Variants in BRINP2 observed in about 807,000 individuals in gnomAD.
BRINP2 encodes BMP/retinoic acid inducible neural specific 2.
In BRINP2, 21 loss-of-function variants were observed where a neutral mutation model predicts 69.2. That is an observed-to-expected ratio of 0.30 (90% confidence interval 0.22 to 0.44). The LOEUF (loss-of-function observed/expected upper bound fraction) is 0.44. Ranked by LOEUF, BRINP2 falls within the 20% of genes least tolerant of loss-of-function variation. BRINP2 has a pLI of 1.00. For synonymous variants in BRINP2, 380 were observed against 394.1 expected, an observed-to-expected ratio of 0.96 and a Z score of 0.42; for missense variants, 877 against 986.0, an observed-to-expected ratio of 0.89 and a Z score of 1.48.
At chr1:177,237,323 C>T (rs1650056247) in intron 2 of BRINP2, among the ~76,000 whole-genome samples, 1 of 152,142 alleles carries the variant, frequency 6.6e-6, no homozygotes, top group Non-Finnish European at 1.5e-5. Flanking sequence ...ATTAGCAGTC[C>T]AGTTTGAGTG....
chr1:177,203,131 G>A (rs1352956241), intron 1 of BRINP2, among the ~76,000 whole-genome samples: 1 of 152,134 alleles, frequency 6.6e-6, no homozygotes, highest in Non-Finnish European at 1.5e-5. Flanking sequence ...TATACACCAT[G>A]GAATACTATG....
intron 1 of BRINP2, among the ~76,000 whole-genome samples, chr1:177,215,551 A>G (rs1649350948): frequency 6.6e-6 from 1 of 152,120 alleles, no homozygotes; most frequent in South Asian, 2.1e-4. Context: ...GTGTCCTGAA[A>G]CTTCACTGAA....
At chr1:177,237,867 A>C (rs573292195) in intron 2 of BRINP2, among the ~76,000 whole-genome samples, 1 of 152,300 alleles carries the variant, frequency 6.6e-6, no homozygotes, top group East Asian at 1.9e-4. Context: ...CTGTCGAGTC[A>C]TATGGTCTTT....
At chr1:177,173,803 T>C (rs1648009916) in intron 1 of BRINP2, among the ~76,000 whole-genome samples, 1 of 152,188 alleles carries the variant, frequency 6.6e-6, no homozygotes, top group Non-Finnish European at 1.5e-5. Flanking sequence ...CTTGAGGCAC[T>C]GCTCTGAAAT....
At chr1:177,185,444 C>T (rs1558151544) in intron 1 of BRINP2, among the ~76,000 whole-genome samples, 1 of 152,114 alleles carries the variant, frequency 6.6e-6, no homozygotes, top group Non-Finnish European at 1.5e-5. Context: ...GATATTGCAG[C>T]CCAGCCATAT....
At chr1:177,189,747 G>A (rs376395040) in intron 1 of BRINP2, among the ~76,000 whole-genome samples, 270 of 152,290 alleles carry the variant, frequency 1.8e-3, no homozygotes, top group African/African-American at 6.2e-3. Context: ...GATGGAGTAA[G>A]ACATTGTGCA....
At chr1:177,278,536 G>A (rs908637222) in intron 6 of BRINP2, 27 bp from the exon 7 acceptor site, 24 of 1,609,768 alleles carry the variant, frequency 1.5e-5, no homozygotes, top group Non-Finnish European at 2.0e-5. Context: ...CTACCCGTCA[G>A]CTCAGGTCCT....
chr1:177,232,157 GA>G, intron 2 of BRINP2, among the ~76,000 whole-genome samples: 1 of 152,162 alleles, frequency 6.6e-6, no homozygotes, highest in Non-Finnish European at 1.5e-5. Context: ...GTCAGGCTGG[GA>G]GTCCTAACAC....
intron 1 of BRINP2, among the ~76,000 whole-genome samples, chr1:177,176,852 C>T (rs1411050508): frequency 1.3e-5 from 2 of 152,032 alleles, no homozygotes; most frequent in Non-Finnish European, 2.9e-5. Context: ...AAGAGTGAGC[C>T]GGTGGGTGGC....
intron 4 of BRINP2, among the ~76,000 whole-genome samples, chr1:177,267,980 C>A (rs908043463): frequency 6.6e-6 from 1 of 152,098 alleles, no homozygotes; most frequent in Non-Finnish European, 1.5e-5. Flanking sequence ...GGCTTCTCCC[C>A]CTAGGAAGAA....
At chr1:177,208,515 T>C (rs1649126805) in intron 1 of BRINP2, among the ~76,000 whole-genome samples, 1 of 152,336 alleles carries the variant, frequency 6.6e-6, no homozygotes, top group African/African-American at 2.4e-5. Context: ...TGCTGGTAAC[T>C]GCCCTTCAGA....
chr1:177,281,606 A>G lies in BRINP2; in HGVS notation c.*78A>G. Reference sequence around the variant, plus strand: ...CAAAGATAATCTAAGCCCTCACCTTAGTGCCAACAGGGTGTGCTCCCACGA... The same window carrying G: ...CAAAGATAATCTAAGCCCTCACCTTGGTGCCAACAGGGTGTGCTCCCACGA... On this transcript the variant is annotated 3_prime_UTR_variant, in exon 8 of 8. Coordinates refer to ENST00000361539, the MANE Select transcript of BRINP2 (RefSeq NM_021165.4). 6.7e-7 allele frequency: 1 copy of G among 1,485,526 alleles called. No homozygotes were observed. Among genetic ancestry groups the G allele is most frequent in the Non-Finnish European group, 8.9e-7 (1 of 1,117,522 alleles). 92.0% of individuals were successfully genotyped at this position (1,485,526 alleles called of 1,614,324 possible). A position where few individuals can be genotyped will look rare whatever the true frequency, so the allele number is the denominator to read the frequency against.
chr1:177,281,459 C>T lies in BRINP2; in HGVS notation c.2283C>T (p.Ser761=). 6.2e-7 allele frequency: 1 copy of T among 1,613,794 alleles called. No individual in the cohort carries two copies. The highest frequency in any genetic ancestry group is 8.5e-7 in the Non-Finnish European group (1 of 1,180,016). The change falls in exon 8 of 8, where the codon TCC becomes TCT. Residue 761 remains serine (S), a synonymous_variant. Coordinates refer to ENST00000361539, the MANE Select transcript of BRINP2 (RefSeq NM_021165.4). ...LANNEVGRIQ[S]SLRAFNSKLP... is the part of the protein sequence containing the mutation. ...ACAATGAGGTGGGCAGGATCCAGTCCTCCCTGAGGGCTTTCAATTCTAAGC... is the reference window on the plus strand; with the variant it reads ...ACAATGAGGTGGGCAGGATCCAGTCTTCCCTGAGGGCTTTCAATTCTAAGC...
intron 2 of BRINP2, among the ~76,000 whole-genome samples, chr1:177,233,776 T>C (rs967007699): frequency 1.3e-5 from 2 of 152,168 alleles, no homozygotes; most frequent in Non-Finnish European, 2.9e-5. Flanking sequence ...GTCAAGCCCT[T>C]GTGTCTAAAG....
intron 4 of BRINP2, among the ~76,000 whole-genome samples, chr1:177,268,325 G>C (rs1244626735): frequency 2.0e-5 from 3 of 152,196 alleles, no homozygotes; most frequent in Non-Finnish European, 4.4e-5. Flanking sequence ...TTTTGTTGGT[G>C]CTACGACACC....
intron 4 of BRINP2, among the ~76,000 whole-genome samples, chr1:177,264,302 C>G (rs142732136): frequency 6.6e-6 from 1 of 152,182 alleles, no homozygotes; most frequent in South Asian, 2.1e-4. Context: ...ACTGATTTAA[C>G]GCATCTCACA....
rs1272982265 is a variant in BRINP2 at position 177,227,512 on chromosome 1, A to G, written c.-76-2289A>G. ...AATAAATGAATATGTGAATGATTAC[A>G]TGAGAAATATTTTGGGCATCCTCAT... On this transcript the variant is annotated intron_variant, in intron 1 of 7. Coordinates refer to ENST00000361539, the MANE Select transcript of BRINP2 (RefSeq NM_021165.4). Among the ~76,000 whole-genome samples the G allele has an allele frequency of 2.6e-5, 4 of 152,348 alleles. No individual in the cohort carries two copies. The South Asian group carries it at 8.3e-4, about 32-fold the overall frequency.
rs914676224 is a variant in BRINP2 at position 177,280,575 on chromosome 1, G to A, written c.1399G>A (p.Ala467Thr). 6.2e-7 allele frequency: 1 copy of A among 1,614,160 alleles called. No individual in the cohort carries two copies. The change falls in exon 8 of 8, where the codon GCC (alanine) becomes ACC (threonine). Residue 467 changes from alanine (A) to threonine (T), a missense_variant. By Grantham distance (58) the Ala-to-Thr change is moderately conservative. This residue lies in a region of BRINP2 where 566 missense variants were observed against 625.2 expected (regional missense o/e 0.91). Coordinates refer to ENST00000361539, the MANE Select transcript of BRINP2 (RefSeq NM_021165.4). ...TGCCTTGGGCGAAGGGCCCGCGTGT[G>A]CCCACTGTGCTCCAGACAATAGCAC... ...PCALGEGPAC[A>T]HCAPDNSTRC...
intron 4 of BRINP2, among the ~76,000 whole-genome samples, chr1:177,259,708 C>T (rs1344844174): frequency 6.6e-6 from 1 of 152,134 alleles, no homozygotes; most frequent in Non-Finnish European, 1.5e-5. Flanking sequence ...ATCTCCTCTG[C>T]CAGTGCTCTA....
Sources: gnomAD v4.1 joint callset for allele counts (sites outside exome capture counted in the v4.1 genomes callset) on GRCh38, gnomAD v4.1.1 for gene constraint, gnomAD v4.1.1 regional missense constraint, MANE v1.5 for transcripts, NCBI Gene and HGNC (gene_info 2026-07-23, HGNC 2026-07-21) for gene names.